The following ADARB2 variants were observed in gnomAD, a reference collection of about 807,000 sequenced individuals.
ADARB2 encodes the protein inactive double-stranded RNA-specific editase B2.
ADARB2 carries 25 observed loss-of-function variants against 62.2 expected under a neutral mutation model. The ratio of observed to expected loss-of-function variants is 0.40; its 90% confidence interval spans 0.29 to 0.56. ADARB2 has a LOEUF of 0.56. Among genes scored for constraint, ADARB2 ranks in the 20% least tolerant of loss-of-function variants. The probability of loss-of-function intolerance (pLI) is 0.43; values close to 1 mark genes in which losing one functional copy is unlikely to be tolerated. For missense variants in ADARB2, 1,071 were observed against 1,077.4 expected (o/e 0.99, Z 0.08); for synonymous variants, 572 against 500.8 (o/e 1.14, Z -1.90).
intron 1 of ADARB2, among the ~76,000 whole-genome samples, chr10:1,544,021 A>AC (rs370004551): frequency 0.039 from 2,790 of 71,930 alleles, 97 homozygotes; most frequent in African/African-American, 0.084. Flanking sequence ...AAACAAACAA[A>AC]AAAAAAAACA....
intron 1 of ADARB2, among the ~76,000 whole-genome samples, chr10:1,403,977 G>A (rs1014829978): frequency 3.3e-5 from 5 of 152,146 alleles, no homozygotes; most frequent in African/African-American, 7.2e-5. Flanking sequence ...TGTGGGGAGC[G>A]ACATTGCACC....
intron 3 of ADARB2, chr10:1,292,979 GGAGA>G (rs140913589): frequency 1.2e-5 from 1 of 82,846 alleles, no homozygotes; most frequent in East Asian, 4.1e-4. Context: ...AGGGAGGGAA[GGAGA>G]GAGAGAGGGA....
At chr10:1,244,509 C>T (rs902225754) in intron 4 of ADARB2, among the ~76,000 whole-genome samples, 1 of 152,192 alleles carries the variant, frequency 6.6e-6, no homozygotes, top group Non-Finnish European at 1.5e-5. Context: ...CTCATTGATT[C>T]CCAGCTCCGT....
chr10:1,379,607 T>C lies in ADARB2; in HGVS notation c.101-447A>G, dbSNP rs552202564. On this transcript the variant is annotated intron_variant, in intron 1 of 9. Transcript: ENST00000381312. ...TTTCCTATTAGTGCAGAATTTGCTTTCTGGGCTTGACATGCATTAAAAATA... is the reference window on the plus strand; with the variant it reads ...TTTCCTATTAGTGCAGAATTTGCTTCCTGGGCTTGACATGCATTAAAAATA... Among the ~76,000 whole-genome samples, 8 of 152,324 alleles carry C rather than the reference T, an allele frequency of 5.3e-5. No individual in the cohort carries two copies. The East Asian group carries it at 1.4e-3, about 26-fold the overall frequency.
At chr10:1,400,929 G>T (rs1214907778) in intron 1 of ADARB2, among the ~76,000 whole-genome samples, 2 of 152,168 alleles carry the variant, frequency 1.3e-5, no homozygotes, top group Admixed American at 1.3e-4. Context: ...GTCAGGGAGG[G>T]CCGGGAACGA....
At position 1,439,458 on chromosome 10, in the gene ADARB2, A is replaced by T. The variant is rs568193789; in HGVS notation, c.101-60298T>A. On this transcript the variant is annotated intron_variant, in intron 1 of 9. Transcript: ENST00000381312. ...GATGGGGCTCCTGAGTCTCCTCAGCAGATGGAGGCAGGTCCTTCACTACGG... is the reference window on the plus strand; with the variant it reads ...GATGGGGCTCCTGAGTCTCCTCAGCTGATGGAGGCAGGTCCTTCACTACGG... 3.8e-5 allele frequency among the ~76,000 whole-genome samples: 5 copies of T among 131,586 alleles called. No homozygotes were observed. In the East Asian group the frequency reaches 1.2e-3, roughly 33 times the overall value. 86.3% of individuals were successfully genotyped at this position (131,586 alleles called of 152,430 possible).
At chr10:1,482,129 T>C (rs1831481388) in intron 1 of ADARB2, among the ~76,000 whole-genome samples, 1 of 152,176 alleles carries the variant, frequency 6.6e-6, no homozygotes, top group African/African-American at 2.4e-5. Context: ...AACTGAAACT[T>C]GTAAATTGCC....
chr10:1,547,625 T>A (rs1447480486), intron 1 of ADARB2, among the ~76,000 whole-genome samples: 7 of 53,820 alleles, frequency 1.3e-4, no homozygotes, highest in African/African-American at 4.0e-4. Flanking sequence ...GAGGCTGCAC[T>A]GGCGTATGCA....
At chr10:1,517,279 C>A (rs1249156599) in intron 1 of ADARB2, among the ~76,000 whole-genome samples, 1 of 152,226 alleles carries the variant, frequency 6.6e-6, no homozygotes, top group Admixed American at 6.5e-5. Context: ...TCCTTCAGAT[C>A]ATTTAGGCAA....
intron 4 of ADARB2, among the ~76,000 whole-genome samples, chr10:1,259,652 T>A (rs191735791): frequency 3.0e-4 from 46 of 152,302 alleles, no homozygotes; most frequent in African/African-American, 1.0e-3. Context: ...ATTGAGGCAA[T>A]AATTAATAGC....
intron 1 of ADARB2, among the ~76,000 whole-genome samples, chr10:1,677,390 G>A (rs1298425928): frequency 6.6e-6 from 1 of 152,192 alleles, no homozygotes; most frequent in Non-Finnish European, 1.5e-5. Flanking sequence ...GAACATGCTG[G>A]TACTGGGTGG....
At chr10:1,690,227 C>T (rs895218711) in intron 1 of ADARB2, among the ~76,000 whole-genome samples, 14 of 152,218 alleles carry the variant, frequency 9.2e-5, no homozygotes, top group Admixed American at 2.6e-4. Flanking sequence ...ACATGCTCAG[C>T]TGAAGTTTAA....
intron 1 of ADARB2, among the ~76,000 whole-genome samples, chr10:1,411,267 C>T (rs531796331): frequency 6.6e-6 from 1 of 152,192 alleles, no homozygotes; most frequent in Non-Finnish European, 1.5e-5. Context: ...GGCACAGGTG[C>T]GTCCGTGAGG....
intron 2 of ADARB2, among the ~76,000 whole-genome samples, chr10:1,375,839 C>T (rs557819503): frequency 2.5e-4 from 38 of 150,568 alleles, no homozygotes; most frequent in East Asian, 1.4e-3. Flanking sequence ...GTGCACACAC[C>T]GCACACATGC....
chr10:1,311,304 G>T (rs1262567320), intron 3 of ADARB2, among the ~76,000 whole-genome samples: 1 of 152,200 alleles, frequency 6.6e-6, no homozygotes, highest in East Asian at 1.9e-4. Flanking sequence ...TTTGTTTCTG[G>T]TGTCAGTTTT....
chr10:1,201,235 T>G (rs931359642), intron 7 of ADARB2, among the ~76,000 whole-genome samples: 1 of 152,240 alleles, frequency 6.6e-6, no homozygotes, highest in Admixed American at 6.5e-5. Context: ...GGTGGGGGTT[T>G]CGGGGAGCCG....
intron 1 of ADARB2, among the ~76,000 whole-genome samples, chr10:1,682,221 G>C (rs36049668): frequency 0.13 from 19,814 of 152,100 alleles, 1,403 homozygotes; most frequent in Non-Finnish European, 0.15. Context: ...AGCACTGGGC[G>C]TCGAAGACCC....
intron 1 of ADARB2, among the ~76,000 whole-genome samples, chr10:1,706,560 C>T (rs879464976): frequency 2.0e-5 from 3 of 152,202 alleles, no homozygotes; most frequent in South Asian, 2.1e-4. Flanking sequence ...AGAGTATTTT[C>T]GGTACCTTTT....
chr10:1,540,335 A>C (rs904379080), intron 1 of ADARB2, among the ~76,000 whole-genome samples: 6 of 152,142 alleles, frequency 3.9e-5, no homozygotes, highest in African/African-American at 1.4e-4. Flanking sequence ...CACCGAGGGC[A>C]CGTCAGGCAA....
Sources: gnomAD v4.1 joint callset for allele counts (sites outside exome capture counted in the v4.1 genomes callset) on GRCh38, gnomAD v4.1.1 for gene constraint, MANE v1.5 for transcripts, NCBI Gene and HGNC (gene_info 2026-07-23, HGNC 2026-07-21) for gene names.